BRD10: variants seen among roughly 807,000 people sequenced by gnomAD.
The protein encoded by BRD10 is bromodomain containing 10.
At chr9:5,952,238 C>T in the BRD10 span, among the ~76,000 whole-genome samples, 11 of 151,902 alleles carry the variant, frequency 7.2e-5, no homozygotes. Flanking sequence ...TCAGGCTGGT[C>T]TCGAACTCCT....
the BRD10 span, among the ~76,000 whole-genome samples, chr9:5,902,966 T>A: frequency 6.6e-6 from 1 of 152,226 alleles, no homozygotes. Context: ...ATGTCATACA[T>A]TTCCCTCTAA....
the BRD10 span, among the ~76,000 whole-genome samples, chr9:5,942,163 T>C: frequency 6.6e-6 from 1 of 152,124 alleles, no homozygotes; most frequent in Non-Finnish European, 1.5e-5. Flanking sequence ...TCAGTATTAA[T>C]ACTTCATTTG....
chr9:5,888,918 T>G, the BRD10 span, among the ~76,000 whole-genome samples: 1 of 152,194 alleles, frequency 6.6e-6, no homozygotes, highest in African/African-American at 2.4e-5. Flanking sequence ...TGAGTTGTGA[T>G]GTACAATGAA....
At chr9:5,886,649 T>C in the BRD10 span, among the ~76,000 whole-genome samples, 2 of 152,256 alleles carry the variant, frequency 1.3e-5, 1 homozygote, top group South Asian at 4.1e-4. Flanking sequence ...AGGAAGCCAC[T>C]TGGAAGTGTT....
the BRD10 span, among the ~76,000 whole-genome samples, chr9:5,900,049 T>G: frequency 5.9e-4 from 90 of 152,368 alleles, 1 homozygote; most frequent in African/African-American, 2.1e-3. Flanking sequence ...ATGTTTAGTC[T>G]TTCAAGAAGT....
At chr9:6,005,341 T>A in the BRD10 span, among the ~76,000 whole-genome samples, 1 of 150,806 alleles carries the variant, frequency 6.6e-6, no homozygotes, top group Non-Finnish European at 1.5e-5. Flanking sequence ...CGAAACCCCA[T>A]CTCTACCAAA....
At chr9:5,968,621 T>A in the BRD10 span, 2 of 1,613,724 alleles carry the variant, frequency 1.2e-6, no homozygotes, top group African/African-American at 1.3e-5. Context: ...TTCCTGCTCT[T>A]TCTTGAAGGA....
the BRD10 span, chr9:5,968,198 G>C: frequency 9.9e-6 from 16 of 1,611,962 alleles, no homozygotes; most frequent in African/African-American, 1.9e-4. Flanking sequence ...CCTCATTTTA[G>C]TTAGTTTGAG....
the BRD10 span, among the ~76,000 whole-genome samples, chr9:5,991,914 C>T: frequency 2.0e-5 from 3 of 152,100 alleles, no homozygotes; most frequent in Admixed American, 6.5e-5. Flanking sequence ...AGCTACAAAA[C>T]TCTCCATTTT....
At chr9:5,948,183 G>C in the BRD10 span, among the ~76,000 whole-genome samples, 1 of 152,114 alleles carries the variant, frequency 6.6e-6, no homozygotes, top group Non-Finnish European at 1.5e-5. Flanking sequence ...CCAAGCCTTA[G>C]CCTAGGCTAA....
chr9:5,972,872 T>C, the BRD10 span, among the ~76,000 whole-genome samples: 2 of 152,284 alleles, frequency 1.3e-5, no homozygotes, highest in East Asian at 3.9e-4. Flanking sequence ...GGAGTATCTT[T>C]AATATACTCA....
chr9:5,885,452 C>T, the BRD10 span, among the ~76,000 whole-genome samples: 8,104 of 151,744 alleles, frequency 0.053, 699 homozygotes, highest in African/African-American at 0.18. Flanking sequence ...CTCACTGCAA[C>T]CTCCACTTCC....
At chr9:5,918,675 G>C in the BRD10 span, among the ~76,000 whole-genome samples, 1 of 139,986 alleles carries the variant, frequency 7.1e-6, no homozygotes, top group East Asian at 2.0e-4. Flanking sequence ...AGTGGCATTA[G>C]TGGCAAAAAA....
the BRD10 span, among the ~76,000 whole-genome samples, chr9:6,005,987 G>A: frequency 2.0e-5 from 3 of 152,144 alleles, no homozygotes; most frequent in East Asian, 1.9e-4. Flanking sequence ...TCTTGAAAAT[G>A]GCATATGGGA....
chr9:5,921,778 T>C, the BRD10 span: 36 of 1,613,868 alleles, frequency 2.2e-5, no homozygotes, highest in Non-Finnish European at 2.8e-5. Flanking sequence ...TTGATGGTAG[T>C]AGAGTACTAG....
chr9:5,914,476 A>T, the BRD10 span, among the ~76,000 whole-genome samples: 34 of 121,586 alleles, frequency 2.8e-4, no homozygotes, highest in Non-Finnish European at 4.1e-4. Flanking sequence ...CAGGCTGGAG[A>T]GCAGTGACGC....
At chr9:5,973,528 G>A in the BRD10 span, among the ~76,000 whole-genome samples, 1 of 152,112 alleles carries the variant, frequency 6.6e-6, no homozygotes, top group African/African-American at 2.4e-5. Context: ...AATAAGCTGG[G>A]AGAAAAATGA....
the BRD10 span, among the ~76,000 whole-genome samples, chr9:6,002,123 T>C: frequency 2.6e-5 from 4 of 152,226 alleles, no homozygotes; most frequent in African/African-American, 9.6e-5. Flanking sequence ...GGTTTAAACA[T>C]ACTTTACCTT....
At chr9:5,942,238 T>G in the BRD10 span, among the ~76,000 whole-genome samples, 1 of 151,968 alleles carries the variant, frequency 6.6e-6, no homozygotes, top group African/African-American at 2.4e-5. Flanking sequence ...TTCATAACGA[T>G]GACCCTCAAG....
Sources: gnomAD v4.1 joint callset for allele counts (sites outside exome capture counted in the v4.1 genomes callset) on GRCh38, gnomAD v4.1.1 for gene constraint, MANE v1.5 for transcripts, NCBI Gene and HGNC (gene_info 2026-07-23, HGNC 2026-07-21) for gene names.